ATP8A2: variants seen among roughly 807,000 people sequenced by gnomAD.
ATP8A2 encodes the protein ATPase phospholipid transporting 8A2.
Under a neutral mutation model 165.6 loss-of-function variants are expected in ATP8A2, and 100 were observed. The observed-to-expected ratio is 0.60, with a 90% CI of 0.51 to 0.71. ATP8A2 has a LOEUF of 0.71. ATP8A2 is among the 30% of genes least tolerant of loss of function. ATP8A2 has a pLI of 0.00. For missense variants in ATP8A2, 1,227 were observed against 1,479.5 expected (o/e 0.83, Z 2.80); for synonymous variants, 543 against 548.8 (o/e 0.99, Z 0.15).
intron 24 of ATP8A2, among the ~76,000 whole-genome samples, chr13:25,599,160 T>A (rs112784634): frequency 6.6e-6 from 1 of 152,250 alleles, no homozygotes; most frequent in Non-Finnish European, 1.5e-5. Flanking sequence ...TGTGCATAAA[T>A]TAGCATTTGC....
chr13:25,609,534 G>GGGATTCAAATATATATATATATATTT (rs71077490), intron 24 of ATP8A2, among the ~76,000 whole-genome samples: 6,179 of 42,110 alleles, frequency 0.15, 823 homozygotes, highest in Admixed American at 0.28. Flanking sequence ...ATATATATTT[G>GGGATTCAAATATATATATATATATTT]GGATTCAAAT....
intron 25 of ATP8A2, among the ~76,000 whole-genome samples, chr13:25,713,267 GTCA>G (rs1566070333): frequency 6.6e-6 from 1 of 152,178 alleles, no homozygotes; most frequent in African/African-American, 2.4e-5. Flanking sequence ...TGTAACAAAT[GTCA>G]TCGTTCCCAC....
At chr13:25,493,832 C>T (rs894959559) in intron 2 of ATP8A2, among the ~76,000 whole-genome samples, 2 of 152,064 alleles carry the variant, frequency 1.3e-5, no homozygotes, top group Non-Finnish European at 2.9e-5. Context: ...GGAGGTGGCA[C>T]AGGAGCCCTG....
chr13:25,793,943 A>T (rs1023003474), intron 27 of ATP8A2, among the ~76,000 whole-genome samples: 1 of 152,198 alleles, frequency 6.6e-6, no homozygotes, highest in Non-Finnish European at 1.5e-5. Context: ...GTTGCACATG[A>T]CCAGAAGGCC....
chr13:25,827,079 GT>G (rs1314034753), intron 27 of ATP8A2, among the ~76,000 whole-genome samples: 2 of 152,006 alleles, frequency 1.3e-5, no homozygotes, highest in African/African-American at 4.8e-5. Flanking sequence ...TTCTGACAGT[GT>G]TTTTTGTTTT....
chr13:25,476,145 C>T (rs946959102), intron 2 of ATP8A2, among the ~76,000 whole-genome samples: 2 of 152,106 alleles, frequency 1.3e-5, no homozygotes, highest in Non-Finnish European at 2.9e-5. Context: ...GGTACTAGAT[C>T]CAATGTCATT....
rs546039727 is a variant in ATP8A2, at chr13:26,024,666, G to T, written c.*4681G>T. On this transcript the variant is annotated 3_prime_UTR_variant, in exon 37 of 37. Transcript: ENST00000381655. ...GGATTCTTTTTACACCCAGGCTGGC[G>T]CATTTTCAAGTGACAATCTCGGGCT... 6.6e-6 allele frequency: 1 copy of T among 152,158 alleles called. No individual in the cohort carries two copies. The highest frequency in any genetic ancestry group is 2.4e-5 in the African/African-American group (1 of 41,428). The allele number at this position is 152,158 out of a possible 1,614,324, so 9.4% of individuals were successfully genotyped here. A position where few individuals can be genotyped will look rare whatever the true frequency, so the allele number is the denominator to read the frequency against.
intron 24 of ATP8A2, among the ~76,000 whole-genome samples, chr13:25,599,685 A>C (rs887756770): frequency 2.3e-4 from 35 of 152,170 alleles, no homozygotes; most frequent in African/African-American, 8.2e-4. Flanking sequence ...ACTTAGCTGG[A>C]TCAGGAGAAA....
rs77236992 is a variant in ATP8A2, at chr13:25,773,218, G to A, written c.2569-1631G>A. ...GTGGACTTACTGACACTCTGACTTA[G>A]AACAGGAGGCATTAAGGTTTTCATG... On this transcript the variant is annotated intron_variant, in intron 26 of 36. Transcript: ENST00000381655. Among the ~76,000 whole-genome samples the A allele has an allele frequency of 9.9e-3, 1,506 of 152,300 alleles. 24 individuals are homozygous for A. The highest frequency in any genetic ancestry group is 0.034 in the African/African-American group (1,421 of 41,570).
At chr13:25,856,168 C>G (rs1428595891) in intron 30 of ATP8A2, among the ~76,000 whole-genome samples, 1 of 152,202 alleles carries the variant, frequency 6.6e-6, no homozygotes, top group Non-Finnish European at 1.5e-5. Context: ...AGTTCATCTA[C>G]ATTTTTCTTT....
chr13:25,731,625 C>T (rs183004734), intron 25 of ATP8A2, among the ~76,000 whole-genome samples: 48 of 152,276 alleles, frequency 3.2e-4, no homozygotes, highest in Middle Eastern at 3.4e-3. Context: ...ATTTAGGCCT[C>T]ACCCCATTGG....
At chr13:25,802,617 G>A (rs1950644234) in intron 27 of ATP8A2, among the ~76,000 whole-genome samples, 1 of 152,176 alleles carries the variant, frequency 6.6e-6, no homozygotes, top group South Asian at 2.1e-4. Flanking sequence ...ATCAGTATGT[G>A]TATCAGTTCT....
chr13:25,828,257 T>C, intron 28 of ATP8A2, 65 bp downstream of exon 28: 1 of 1,272,094 alleles, frequency 7.9e-7, no homozygotes, highest in Non-Finnish European at 1.2e-6. Flanking sequence ...ATTCCTTCAC[T>C]GTTTATGTCT....
chr13:25,416,264 T>G (rs1262241152), intron 1 of ATP8A2, among the ~76,000 whole-genome samples: 1 of 152,224 alleles, frequency 6.6e-6, no homozygotes, highest in African/African-American at 2.4e-5. Context: ...TAAACATTTG[T>G]TGAATGAATT....
At chr13:25,922,737 T>C (rs1954495353) in intron 33 of ATP8A2, among the ~76,000 whole-genome samples, 1 of 152,202 alleles carries the variant, frequency 6.6e-6, no homozygotes, top group South Asian at 2.1e-4. Flanking sequence ...CCAGATATCC[T>C]ACACAGGGGT....
At chr13:25,767,971 C>G (rs1232903900) in intron 25 of ATP8A2, among the ~76,000 whole-genome samples, 2 of 150,996 alleles carry the variant, frequency 1.3e-5, no homozygotes, top group Non-Finnish European at 2.9e-5. Context: ...CTTTGAGTGT[C>G]CATTCTAGCT....
At position 25,953,234 on chromosome 13, in the gene ATP8A2, G is replaced by T. The variant is rs140551315; in HGVS notation, c.3184-8341G>T. ...TTTCTTTTACTTACAATTTGAAGTT[G>T]GCACTGGTGTTGCTGGGCCAACCAG... On this transcript the variant is annotated intron_variant, in intron 33 of 36. Transcript: ENST00000381655. The surrounding 1 kb of genome is among the most constrained non-coding windows in gnomAD (Gnocchi z 6.7). Among the ~76,000 whole-genome samples the T allele has an allele frequency of 2.6e-5, 4 of 152,208 alleles. No homozygotes were observed. The East Asian group carries it at 7.7e-4, about 29-fold the overall frequency.
intron 12 of ATP8A2, 80 bp downstream of exon 12, chr13:25,554,000 A>G (rs1444380939): frequency 1.4e-6 from 2 of 1,427,764 alleles, no homozygotes; most frequent in African/African-American, 2.9e-5. Flanking sequence ...CACTCAAAAA[A>G]GAAGAACTAT....
At chr13:25,759,398 A>T (rs1003220847) in intron 25 of ATP8A2, among the ~76,000 whole-genome samples, 5 of 152,208 alleles carry the variant, frequency 3.3e-5, no homozygotes, top group African/African-American at 1.2e-4. Context: ...TTGCTCTGAA[A>T]TGTCAAAACT....
Sources: gnomAD v4.1 joint callset for allele counts (sites outside exome capture counted in the v4.1 genomes callset) on GRCh38, gnomAD v4.1.1 for gene constraint, Gnocchi (gnomAD v3.1) non-coding constraint, MANE v1.5 for transcripts, NCBI Gene and HGNC (gene_info 2026-07-23, HGNC 2026-07-21) for gene names.